Variants in HEXD observed in about 807,000 individuals in gnomAD.
The protein encoded by HEXD is N-acetyl-beta-galactosaminidase.
HEXD carries 47 observed loss-of-function variants against 54.2 expected under a neutral mutation model. The observed-to-expected ratio is 0.87, with a 90% CI of 0.69 to 1.11. The LOEUF is 1.11. HEXD is among the 50% of genes least tolerant of loss of function. The pLI is 0.00. For missense variants in HEXD, 576 were observed against 649.2 expected (o/e 0.89, Z 1.23); for synonymous variants, 293 against 287.6 (o/e 1.02, Z -0.19).
At chr17:82,438,381 G>C (rs1461208206) in intron 8 of HEXD, among the ~76,000 whole-genome samples, 1 of 152,206 alleles carries the variant, frequency 6.6e-6, no homozygotes, top group African/African-American at 2.4e-5. Flanking sequence ...GGCTGTTGTA[G>C]GAGTGGCCCC....
At chr17:82,440,309 G>C in intron 9 of HEXD, 1 of 1,261,812 alleles carries the variant, frequency 7.9e-7, no homozygotes, top group South Asian at 1.3e-5. Flanking sequence ...CGCAGGCGCG[G>C]CGGCCCAGGG....
chr17:82,442,153 C>T lies in HEXD; in HGVS notation c.1254-24C>T, dbSNP rs781343287. ...GCAAGTCCCAAGTGTGCAGACTGTG[C>T]GTTCATGGCGCCCTCACCTGCAGCC... On this transcript the variant is annotated intron_variant, in intron 12 of 12. Transcript: ENST00000327949. This position sits in a 1 kb window ranked among gnomAD's most constrained non-coding sequence, Gnocchi z 6.8. The T allele has an allele frequency of 2.3e-5, 36 of 1,585,204 alleles. No homozygotes were observed. In the East Asian group the frequency reaches 5.8e-4, roughly 26 times the overall value.
rs532039907 is a variant in HEXD at position 82,441,272 on chromosome 17, C to T, written c.1163+6C>T. The T allele has an allele frequency of 1.7e-5, 23 of 1,374,962 alleles. 1 individual carries two copies. Among genetic ancestry groups the T allele is most frequent in the South Asian group, 6.9e-5 (6 of 87,124 alleles). The allele number at this position is 1,374,962 out of a possible 1,614,324, so 85.2% of individuals were successfully genotyped here. ...GCGCTGCTGGAGGGCAACAGGTGAG[C>T]GTGTGGGTTAGGGGCAGGTGTGGGT... On this transcript the variant is annotated splice_donor_region_variant and intron_variant, in intron 11 of 12. Coordinates refer to ENST00000327949, the MANE Select transcript of HEXD (RefSeq NM_001330542.2).
chr17:82,441,034 C>A lies in HEXD; in HGVS notation c.1020C>A (p.Asn340Lys). ...AAGATGTTAAAGCGAAAGTGGAGAACCTTCTCGGGATTTCCAGCCTGGAAA... is the reference window on the plus strand; with the variant it reads ...AAGATGTTAAAGCGAAAGTGGAGAAACTTCTCGGGATTTCCAGCCTGGAAA... ...FDEDVKAKVE[N>K]LLGISSLEKT... The change falls in exon 10 of 13, where the codon AAC (asparagine) becomes AAA (lysine). Residue 340 changes from asparagine to lysine, a missense_variant. Transcript: ENST00000327949. The A allele has an allele frequency of 1.2e-6, 2 of 1,613,628 alleles. No homozygotes were observed. Among genetic ancestry groups the A allele is most frequent in the Non-Finnish European group, 1.7e-6 (2 of 1,179,998 alleles).
At chr17:82,431,549 G>C (rs1212173868) in intron 4 of HEXD, among the ~76,000 whole-genome samples, 1 of 151,738 alleles carries the variant, frequency 6.6e-6, no homozygotes, top group East Asian at 1.9e-4. Context: ...CGAGTAGCTG[G>C]GATTACAGCG....
At chr17:82,440,162 G>T (rs902932556) in intron 9 of HEXD, 12 of 1,291,568 alleles carry the variant, frequency 9.3e-6, no homozygotes, top group Non-Finnish European at 1.2e-5. Context: ...GCAGGCACCG[G>T]GGAACCCCTT....
chr17:82,424,441 G>A lies in HEXD; in HGVS notation c.132G>A (p.Glu44=). ...TAGGTGCAAACGGCCTCCTCATTGA[G>A]TATGAAGACATGTTTCCCTACGAGG... ...RALGANGLLI[E]YEDMFPYEGP... The change falls in exon 3 of 13, where the codon GAG becomes GAA. Residue 44 remains glutamate (E), a synonymous_variant. Transcript: ENST00000327949. 1 of 1,614,110 alleles carries A rather than the reference G, an allele frequency of 6.2e-7. No homozygotes were observed. Among genetic ancestry groups the A allele is most frequent in the Non-Finnish European group, 8.5e-7 (1 of 1,179,984 alleles).
At position 82,437,154 on chromosome 17, in the gene HEXD, G is replaced by T; in HGVS notation, c.704-14G>T. On this transcript the variant is annotated splice_polypyrimidine_tract_variant and intron_variant, in intron 7 of 12. Coordinates refer to ENST00000327949, the MANE Select transcript of HEXD (RefSeq NM_001330542.2). ...CTCCCCTGGAGCCACTCACCTGTTT[G>T]CTTTCTCACCCAGTCCTCCTCATGC... The T allele has an allele frequency of 6.4e-7, 1 of 1,565,804 alleles. No homozygotes were observed.
At chr17:82,428,532 T>G in intron 3 of HEXD, 26 bp from the exon 4 acceptor site, 2 of 1,604,566 alleles carry the variant, frequency 1.2e-6, no homozygotes, top group Non-Finnish European at 1.7e-6. Context: ...CACATGACCC[T>G]CTCTCTATGA....
At chr17:82,432,792 A>ACG (rs1274514372) in intron 4 of HEXD, among the ~76,000 whole-genome samples, 27 of 151,852 alleles carry the variant, frequency 1.8e-4, no homozygotes, top group South Asian at 4.2e-4. Flanking sequence ...GGCTGGGTGC[A>ACG]GTGGCTCACG....
rs948955013 is a variant in HEXD at position 82,439,536 on chromosome 17, C to A, written c.900-95C>A. 3.1e-5 allele frequency: 46 copies of A among 1,489,130 alleles called. 1 individual carries two copies. Among genetic ancestry groups the A allele is most frequent in the Admixed American group, 2.2e-5 (1 of 44,794 alleles). The allele number at this position is 1,489,130 out of a possible 1,614,324, so 92.2% of individuals were successfully genotyped here. A position where few individuals can be genotyped will look rare whatever the true frequency, so the allele number is the denominator to read the frequency against. On this transcript the variant is annotated intron_variant, in intron 8 of 12. Transcript: ENST00000327949. The stretch of plus-strand genomic sequence containing the variant: ...CCCCCAGCGCTGATGTAGCCTAAGG[C>A]CCTGGAACAACAGCAGGGACGTCCG...
In HEXD at chr17:82,441,784, T is replaced by C. The variant is rs779017360; in HGVS notation, c.1164-16T>C. ...CTTGGTAGCCCGCGGCACACCCCTA[T>C]GTGGATTTGCCCCAGGTATGTCACT... On this transcript the variant is annotated splice_polypyrimidine_tract_variant and intron_variant, in intron 11 of 12. Transcript: ENST00000327949. 4 of 1,611,790 alleles carry C rather than the reference T, an allele frequency of 2.5e-6. No individual in the cohort carries two copies. The highest frequency in any genetic ancestry group is 3.4e-6 in the Non-Finnish European group (4 of 1,178,686).
Position 82,437,192 on chromosome 17 carries a change from G to A in HEXD, c.728G>A (p.Arg243Gln), listed in dbSNP as rs61978618. The change falls in exon 8 of 13, where the codon CGG becomes CAG. Residue 243 changes from arginine (R) to glutamine (Q), a missense_variant. Physicochemically the swap from Arg to Gln is conservative, Grantham distance 43 (BLOSUM62 1). Coordinates refer to ENST00000327949, the MANE Select transcript of HEXD (RefSeq NM_001330542.2). ...GKVLLMQKYRRCGFPQLWAAS... is the reference protein window; with the variant it reads ...GKVLLMQKYRQCGFPQLWAAS... ...GTCCTCCTCATGCAGAAGTACCGGC[G>A]GTGCGGCTTTCCGCAGCTGTGGGCA... 3,145 of 1,597,768 alleles carry A rather than the reference G, an allele frequency of 2.0e-3. 10 individuals are homozygous for A. Among genetic ancestry groups the A allele is most frequent in the Middle Eastern group, 4.2e-3 (25 of 6,012 alleles).
intron 4 of HEXD, among the ~76,000 whole-genome samples, chr17:82,431,328 T>A (rs1309194371): frequency 6.6e-6 from 1 of 151,990 alleles, no homozygotes; most frequent in Non-Finnish European, 1.5e-5. Context: ...TTTTTTTTGT[T>A]CATTTTCCTT....
intron 2 of HEXD, among the ~76,000 whole-genome samples, chr17:82,422,063 G>T (rs1408119055): frequency 6.6e-6 from 1 of 151,872 alleles, no homozygotes; most frequent in Non-Finnish European, 1.5e-5. Context: ...CTACTCGAGA[G>T]GCTGAGGCAG....
chr17:82,440,873 CCTGGCCAGTGGCTCTCCATTG>C, intron 9 of HEXD, 103 bp from the exon 10 acceptor site: 1 of 1,089,444 alleles, frequency 9.2e-7, no homozygotes, highest in South Asian at 1.3e-5. Flanking sequence ...CGGGGCTGGG[CCTGGCCAGTGGCTCTCCATTG>C]CCGCCCGCCC....
intron 8 of HEXD, among the ~76,000 whole-genome samples, chr17:82,438,692 T>C (rs2053842987): frequency 6.6e-6 from 1 of 152,210 alleles, no homozygotes; most frequent in African/African-American, 2.4e-5. Flanking sequence ...CCCCGTGCCC[T>C]CACCCACAAA....
intron 7 of HEXD, 181 bp from the exon 8 acceptor site, chr17:82,436,987 G>T (rs2053787865): frequency 3.0e-6 from 2 of 667,726 alleles, no homozygotes; most frequent in Non-Finnish European, 5.3e-6. Flanking sequence ...GTACACTCTG[G>T]AGTCTCCCCG....
At chr17:82,420,591 G>C (rs748244128) in intron 2 of HEXD, among the ~76,000 whole-genome samples, 1 of 152,118 alleles carries the variant, frequency 6.6e-6, no homozygotes, top group Admixed American at 6.5e-5. Context: ...TTTTTGAGAC[G>C]GAGTCTCGCT....
Sources: gnomAD v4.1 joint callset for allele counts (sites outside exome capture counted in the v4.1 genomes callset) on GRCh38, gnomAD v4.1.1 for gene constraint, Gnocchi (gnomAD v3.1) non-coding constraint, MANE v1.5 for transcripts, NCBI Gene and HGNC (gene_info 2026-07-23, HGNC 2026-07-21) for gene names.